The following GINS4 variants were observed in gnomAD, a reference collection of about 807,000 sequenced individuals.
GINS4 encodes the protein GINS complex subunit 4, also known as DNA replication complex GINS protein SLD5.
Under a neutral mutation model 31.1 loss-of-function variants are expected in GINS4, and 20 were observed. That is an observed-to-expected ratio of 0.64 (90% confidence interval 0.45 to 0.93). GINS4 has a LOEUF of 0.93. Ranked by LOEUF, GINS4 falls within the 40% of genes least tolerant of loss-of-function variation. GINS4 has a pLI of 0.00. For synonymous variants in GINS4, 85 were observed against 97.9 expected (o/e 0.87, Z 0.78); for missense variants, 245 against 273.9 (o/e 0.89, Z 0.75).
chr8:41,539,994 CT>C lies in GINS4; in HGVS notation c.477del (p.Arg160GlyfsTer8). ...MPPNLQKVDL[F>X]RAVPKPDLDS... ...CCCCTAACTTACAGAAGGTGGACCT[CT>C]TTCGGGCAGGTAAACAGGACGTTCT... is the stretch of plus-strand genomic sequence containing the variant. On this transcript the variant is annotated frameshift_variant, in exon 6 of 8. Transcript: ENST00000276533. LOFTEE classifies it high-confidence loss of function. 6.2e-7 allele frequency: 1 copy of C among 1,613,548 alleles called. No individual in the cohort carries two copies. Among genetic ancestry groups the C allele is most frequent in the Non-Finnish European group, 8.5e-7 (1 of 1,179,434 alleles).
chr8:41,535,156 G>T (rs190922615), intron 2 of GINS4, among the ~76,000 whole-genome samples: 2 of 151,976 alleles, frequency 1.3e-5, no homozygotes, highest in African/African-American at 4.8e-5. Context: ...TGACGAATAC[G>T]GTGAAACCCT....
chr8:41,534,450 G>C (rs1197405004), intron 2 of GINS4: 1 of 166,838 alleles, frequency 6.0e-6, no homozygotes. Context: ...TTAGATACAA[G>C]TTTCTCAGTA....
In GINS4 at chr8:41,543,411, CTTGTA is replaced by C. The variant is rs1563256923; in HGVS notation, c.*1329_*1333del. 33 of 152,290 alleles carry C rather than the reference CTTGTA, an allele frequency of 2.2e-4. No individual in the cohort carries two copies. Among genetic ancestry groups the C allele is most frequent in the African/African-American group, 7.7e-4 (32 of 41,562 alleles). The allele number at this position is 152,290 out of a possible 1,614,324, so 9.4% of individuals were successfully genotyped here. ...CTGTTAACGGAGTGACGTTAACCAT[CTTGTA>C]TTGTGACCTGTGGCCGCTTTTCTGG... On this transcript the variant is annotated 3_prime_UTR_variant, in exon 8 of 8. Transcript: ENST00000276533.
At chr8:41,540,778 G>C (rs975639551) in intron 6 of GINS4, among the ~76,000 whole-genome samples, 1 of 152,168 alleles carries the variant, frequency 6.6e-6, no homozygotes, top group Admixed American at 6.5e-5. Context: ...ATTCATCTCT[G>C]CCCAGCCTGT....
Position 41,539,801 on chromosome 8 carries a change from G to A in GINS4, c.395+26G>A, listed in dbSNP as rs376006720. On this transcript the variant is annotated intron_variant, in intron 5 of 7. Coordinates refer to ENST00000276533, the MANE Select transcript of GINS4 (RefSeq NM_032336.3). ...GTGAGTGAGTGAGCCGTTGGCGTGG[G>A]GCACCTGGCTGGTTCAGCATGAGGC... 2.4e-5 allele frequency: 39 copies of A among 1,602,918 alleles called. No homozygotes were observed. In the African/African-American group the frequency reaches 4.7e-4, roughly 19 times the overall value.
rs201557458 is a variant in GINS4, at chr8:41,539,953, G to A, written c.433G>A (p.Ala145Thr). The change falls in exon 6 of 8, where the codon GCC becomes ACC. Residue 145 changes from alanine (A) to threonine (T), a missense_variant. Transcript: ENST00000276533. ...CACAGAGTCCTATCTGAAAAATGTC[G>A]CCTTGAAGCACATGCCCCCTAACTT... is the stretch of plus-strand genomic sequence containing the variant. ...ANTESYLKNV[A>T]LKHMPPNLQK... 6.4e-5 allele frequency: 103 copies of A among 1,614,160 alleles called. No individual in the cohort carries two copies. In the African/African-American group the frequency reaches 8.5e-4, roughly 13 times the overall value.
At position 41,542,357 on chromosome 8, in the gene GINS4, C is replaced by A; in HGVS notation, c.*270C>A. On this transcript the variant is annotated 3_prime_UTR_variant, in exon 8 of 8. Coordinates refer to ENST00000276533, the MANE Select transcript of GINS4 (RefSeq NM_032336.3). Reference sequence around the variant, plus strand: ...CGAGGTCGTGCCATTGCACTCCAGCCTGGGTGACAGTGAGACTTTGTCTCA... The same window carrying A: ...CGAGGTCGTGCCATTGCACTCCAGCATGGGTGACAGTGAGACTTTGTCTCA... The A allele has an allele frequency of 4.7e-6, 2 of 423,810 alleles. No individual in the cohort carries two copies. The highest frequency in any genetic ancestry group is 8.6e-6 in the Non-Finnish European group (2 of 232,484). 26.3% of individuals were successfully genotyped at this position (423,810 alleles called of 1,614,324 possible).
Position 41,530,241 on chromosome 8 carries a change from T to TGG in GINS4, c.43_44dup (p.Ser16ValfsTer7), listed in dbSNP as rs1563428663. The TGG allele has an allele frequency of 6.2e-7, 1 of 1,613,964 alleles. No individual in the cohort carries two copies. The highest frequency in any genetic ancestry group is 8.5e-7 in the Non-Finnish European group (1 of 1,179,876). ...TGGATTTCCTGGGACAGGACTCTGA[T>TGG]GGGGGTAGTGAGGAAGTGGTCCTAA... On this transcript the variant is annotated frameshift_variant, in exon 2 of 8. Transcript: ENST00000276533. LOFTEE classifies it high-confidence loss of function.
chr8:41,533,292 A>T (rs1182171386), intron 2 of GINS4, among the ~76,000 whole-genome samples: 1 of 152,230 alleles, frequency 6.6e-6, no homozygotes, highest in Non-Finnish European at 1.5e-5. Context: ...CCCTTGGGTG[A>T]TGTGGCACAC....
chr8:41,535,960 G>T (rs1161202865), intron 2 of GINS4, among the ~76,000 whole-genome samples: 1 of 152,212 alleles, frequency 6.6e-6, no homozygotes, highest in East Asian at 1.9e-4. Flanking sequence ...CAGGAATGAA[G>T]AGCTGTGTGG....
intron 6 of GINS4, among the ~76,000 whole-genome samples, chr8:41,540,950 G>A (rs1233994838): frequency 6.6e-6 from 1 of 152,158 alleles, no homozygotes; most frequent in Non-Finnish European, 1.5e-5. Flanking sequence ...CCTTCCATAT[G>A]TCCTCACAGA....
At chr8:41,539,504 G>A (rs76994984) in intron 4 of GINS4, among the ~76,000 whole-genome samples, 174 bp from the exon 5 acceptor site, 1,599 of 152,060 alleles carry the variant, frequency 0.011, 5 homozygotes, top group Non-Finnish European at 0.016. Flanking sequence ...GCCTGCAAGG[G>A]TGTCTCAGAG....
chr8:41,534,145 G>A, intron 2 of GINS4: 1 of 238,182 alleles, frequency 4.2e-6, no homozygotes, highest in South Asian at 4.6e-5. Flanking sequence ...GTTCAAGCCT[G>A]TAATCCCAAC....
At chr8:41,530,064 T>C in intron 1 of GINS4, 120 bp from the exon 2 acceptor site, 1 of 621,980 alleles carries the variant, frequency 1.6e-6, no homozygotes, top group Non-Finnish European at 2.8e-6. Flanking sequence ...CACCACTTGC[T>C]AAAGGGCCTC....
intron 2 of GINS4, among the ~76,000 whole-genome samples, chr8:41,533,488 C>G (rs981228681): frequency 4.6e-5 from 7 of 152,174 alleles, no homozygotes; most frequent in African/African-American, 1.7e-4. Flanking sequence ...CATCTCATGC[C>G]TGATGCTCTA....
chr8:41,542,465 A>AC lies in GINS4; in HGVS notation c.*382dup, dbSNP rs1806860983. The AC allele has an allele frequency of 4.1e-6, 1 of 242,984 alleles. No homozygotes were observed. The highest frequency in any genetic ancestry group is 5.3e-5 in the South Asian group (1 of 18,778). The allele number at this position is 242,984 out of a possible 1,614,324, so 15.1% of individuals were successfully genotyped here. On this transcript the variant is annotated 3_prime_UTR_variant, in exon 8 of 8. Coordinates refer to ENST00000276533, the MANE Select transcript of GINS4 (RefSeq NM_032336.3). ...AGATCAAGACCATCCTGGCTACTAA[A>AC]CCCCATCTCTACTAAACCCATCTCT...
In GINS4 at chr8:41,541,994, C is replaced by T. The variant is rs1240939016; in HGVS notation, c.579C>T (p.Asp193=). The change falls in exon 8 of 8, where the codon GAC becomes GAT. Residue 193 remains aspartate, a synonymous_variant. Transcript: ENST00000276533. ...AATGTGTTTCCCTCTTTTTCAGGGACTACGTGATTGACCTGGAGAAGGGCT... is the reference window on the plus strand; with the variant it reads ...AATGTGTTTCCCTCTTTTTCAGGGATTACGTGATTGACCTGGAGAAGGGCT... ...LVEPDTDEQR[D]YVIDLEKGSQ... 6.2e-7 allele frequency: 1 copy of T among 1,613,848 alleles called. No individual in the cohort carries two copies.
chr8:41,543,175 C>T lies in GINS4; in HGVS notation c.*1088C>T, dbSNP rs1806874322. On this transcript the variant is annotated 3_prime_UTR_variant, in exon 8 of 8. Coordinates refer to ENST00000276533, the MANE Select transcript of GINS4 (RefSeq NM_032336.3). ...AGAACCTCTAATATTGGACTTAAAA[C>T]CAATTTCTGTCGTGCTTAATTGAAA... is the stretch of plus-strand genomic sequence containing the variant. The T allele has an allele frequency of 6.6e-6, 1 of 152,230 alleles. No homozygotes were observed. The highest frequency in any genetic ancestry group is 2.1e-4 in the South Asian group (1 of 4,834). The allele number at this position is 152,230 out of a possible 1,614,324, so 9.4% of individuals were successfully genotyped here. A position where few individuals can be genotyped will look rare whatever the true frequency, so the allele number is the denominator to read the frequency against.
chr8:41,532,736 G>A (rs779437855), intron 2 of GINS4, among the ~76,000 whole-genome samples: 6 of 151,560 alleles, frequency 4.0e-5, no homozygotes, highest in Non-Finnish European at 8.8e-5. Flanking sequence ...AGGAGGTTGA[G>A]GCAGGAGAAT....
Sources: gnomAD v4.1 joint callset for allele counts (sites outside exome capture counted in the v4.1 genomes callset) on GRCh38, gnomAD v4.1.1 for gene constraint, MANE v1.5 for transcripts, NCBI Gene and HGNC (gene_info 2026-07-23, HGNC 2026-07-21) for gene names.